Variants in NBEA observed in about 807,000 individuals in gnomAD.
NBEA encodes lysosomal-trafficking regulator 2.
A neutral mutation model predicts 343.4 loss-of-function variants in NBEA; 44 were observed. That is an observed-to-expected ratio of 0.13 (90% CI 0.10 to 0.16). The LOEUF (loss-of-function observed/expected upper bound fraction) is 0.16, where lower values mean the gene tolerates loss of function less well. NBEA is among the 10% of genes least tolerant of loss of function. The pLI is 1.00. For synonymous variants in NBEA, 1,175 were observed against 1,238.7 expected, an observed-to-expected ratio of 0.95 and a Z score of 1.08; for missense variants, 2,555 against 3,631.3, an observed-to-expected ratio of 0.70 and a Z score of 7.62.
chr13:35,376,006 A>G (rs1048217475), intron 38 of NBEA, among the ~76,000 whole-genome samples: 2 of 152,144 alleles, frequency 1.3e-5, no homozygotes, highest in African/African-American at 4.8e-5. Context: ...TCAGGGACTA[A>G]TTGGATACCC....
intron 38 of NBEA, among the ~76,000 whole-genome samples, chr13:35,428,863 T>C (rs541168925): frequency 2.0e-5 from 3 of 152,346 alleles, no homozygotes; most frequent in African/African-American, 7.2e-5. Flanking sequence ...CCTGTAACAT[T>C]GCTTCATCTG....
chr13:35,383,722 A>G (rs2042112189), intron 38 of NBEA, among the ~76,000 whole-genome samples: 1 of 152,094 alleles, frequency 6.6e-6, no homozygotes, highest in Non-Finnish European at 1.5e-5. Flanking sequence ...AGGATATAGT[A>G]TATAATACAG....
chr13:35,424,737 C>T lies in NBEA; in HGVS notation c.6180-7532C>T, dbSNP rs1387476977. ...TCAGAAGGAATGGTACCAGCTCCTC[C>T]TTGTACCTCTGGTAGAATTCGGCTG... On this transcript the variant is annotated intron_variant, in intron 38 of 58. Coordinates refer to ENST00000379939, the MANE Select transcript of NBEA (RefSeq NM_001385012.1). 3.9e-5 allele frequency among the ~76,000 whole-genome samples: 6 copies of T among 152,202 alleles called. No individual in the cohort carries two copies. The East Asian group carries it at 1.2e-3, about 29-fold the overall frequency.
chr13:34,989,719 C>T (rs2060682692), intron 1 of NBEA, among the ~76,000 whole-genome samples: 1 of 150,696 alleles, frequency 6.6e-6, no homozygotes, highest in East Asian at 1.9e-4. Flanking sequence ...TCATGGCTTC[C>T]AAACAGACCC....
chr13:35,145,240 A>G (rs1413246958), intron 18 of NBEA, among the ~76,000 whole-genome samples: 2 of 152,240 alleles, frequency 1.3e-5, no homozygotes, highest in Non-Finnish European at 2.9e-5. Context: ...CATGGGATCA[A>G]AATCTTGCAA....
At chr13:35,052,897 ATTATC>A (rs1340418280) in intron 6 of NBEA, among the ~76,000 whole-genome samples, 9 of 151,970 alleles carry the variant, frequency 5.9e-5, no homozygotes. Flanking sequence ...TTCTGTATTA[ATTATC>A]TTAAGTTAAT....
At chr13:35,422,050 T>C (rs144675149) in intron 38 of NBEA, among the ~76,000 whole-genome samples, 180 of 151,674 alleles carry the variant, frequency 1.2e-3, no homozygotes, top group African/African-American at 4.3e-3. Flanking sequence ...ATTTATGTTT[T>C]TGCCAAATTT....
At chr13:35,262,475 A>G (rs1296785480) in intron 34 of NBEA, among the ~76,000 whole-genome samples, 2 of 152,218 alleles carry the variant, frequency 1.3e-5, no homozygotes, top group Non-Finnish European at 2.9e-5. Context: ...CAGGAATGCT[A>G]CTGAACAGAA....
At chr13:35,655,838 A>T (rs1230458555) in intron 55 of NBEA, 89 bp downstream of exon 55, 1 of 1,254,714 alleles carries the variant, frequency 8.0e-7, no homozygotes, top group Non-Finnish European at 1.1e-6. Flanking sequence ...TTTTTTCCTG[A>T]GGTGTAAGGA....
At chr13:35,137,816 A>G (rs1470684003) in intron 17 of NBEA, among the ~76,000 whole-genome samples, 1 of 152,168 alleles carries the variant, frequency 6.6e-6, no homozygotes, top group Non-Finnish European at 1.5e-5. Context: ...AAAATGAGTT[A>G]AAATAAAAAT....
intron 44 of NBEA, among the ~76,000 whole-genome samples, chr13:35,566,498 A>G (rs959869405): frequency 6.6e-6 from 1 of 152,210 alleles, no homozygotes; most frequent in East Asian, 1.9e-4. Context: ...CGGGGTTGCA[A>G]TATTATCTAC....
At chr13:35,003,440 C>A (rs1013050189) in intron 1 of NBEA, among the ~76,000 whole-genome samples, 2 of 152,044 alleles carry the variant, frequency 1.3e-5, no homozygotes, top group African/African-American at 4.8e-5. Context: ...CAGGTATATG[C>A]TTTTTACAAG....
intron 47 of NBEA, among the ~76,000 whole-genome samples, chr13:35,604,176 G>A (rs976076949): frequency 2.0e-5 from 3 of 152,108 alleles, no homozygotes; most frequent in African/African-American, 7.2e-5. Context: ...GTGCCCTTTA[G>A]CCTGTCTTAT....
At chr13:35,404,521 C>G (rs974914381) in intron 38 of NBEA, among the ~76,000 whole-genome samples, 2 of 147,820 alleles carry the variant, frequency 1.4e-5, no homozygotes, top group Non-Finnish European at 3.0e-5. Flanking sequence ...CCAAACACCG[C>G]ATATTCTTAC....
chr13:35,314,513 G>A (rs992987321), intron 36 of NBEA, among the ~76,000 whole-genome samples: 2 of 151,990 alleles, frequency 1.3e-5, no homozygotes, highest in Non-Finnish European at 2.9e-5. Context: ...ATTTTTCCCT[G>A]ATTTATATTT....
intron 38 of NBEA, among the ~76,000 whole-genome samples, chr13:35,418,446 G>A (rs1480642157): frequency 6.6e-6 from 1 of 151,962 alleles, no homozygotes; most frequent in Non-Finnish European, 1.5e-5. Flanking sequence ...ATGAATTTCA[G>A]TAGGAAAACA....
At chr13:35,314,484 C>G (rs9593083) in intron 36 of NBEA, among the ~76,000 whole-genome samples, 24,973 of 152,080 alleles carry the variant, frequency 0.16, 2,353 homozygotes, top group African/African-American at 0.26. Context: ...GTACCTTTCT[C>G]TGTTCTCCCA....
Position 35,667,153 on chromosome 13 carries a change from C to G in NBEA, c.8465-221C>G, listed in dbSNP as rs181946622. Among the ~76,000 whole-genome samples, 67 of 152,286 alleles carry G rather than the reference C, an allele frequency of 4.4e-4. No homozygotes were observed. In the East Asian group the frequency reaches 0.013, roughly 28 times the overall value. On this transcript the variant is annotated intron_variant, in intron 56 of 58. Coordinates refer to ENST00000379939, the MANE Select transcript of NBEA (RefSeq NM_001385012.1). Reference sequence around the variant, plus strand: ...ACAAAGGAAAAGACCAAGTATCTACCTGGTGAAGAAGCGTGCGGCGTAGGA... The same window carrying G: ...ACAAAGGAAAAGACCAAGTATCTACGTGGTGAAGAAGCGTGCGGCGTAGGA...
chr13:35,414,793 G>A (rs1203921863), intron 38 of NBEA, among the ~76,000 whole-genome samples: 2 of 152,190 alleles, frequency 1.3e-5, no homozygotes, highest in Non-Finnish European at 2.9e-5. Flanking sequence ...CTAGATCCCT[G>A]AGGAATCGCC....
Sources: gnomAD v4.1 joint callset for allele counts (sites outside exome capture counted in the v4.1 genomes callset) on GRCh38, gnomAD v4.1.1 for gene constraint, MANE v1.5 for transcripts, NCBI Gene and HGNC (gene_info 2026-07-23, HGNC 2026-07-21) for gene names.